FUT8: variants seen among roughly 807,000 people sequenced by gnomAD.
The protein encoded by FUT8 is alpha-(1,6)-fucosyltransferase.
FUT8 carries 29 observed loss-of-function variants against 71.3 expected under a neutral mutation model. The ratio of observed to expected loss-of-function variants is 0.41; its 90% CI spans 0.30 to 0.55. The LOEUF (loss-of-function observed/expected upper bound fraction) is 0.55, where lower values mean the gene tolerates loss of function less well. FUT8 is among the 20% of genes least tolerant of loss of function. The pLI is 0.34. For missense variants in FUT8, 544 were observed against 702.1 expected, an observed-to-expected ratio of 0.77 and a Z score of 2.55; for synonymous variants, 254 against 239.3, an observed-to-expected ratio of 1.06 and a Z score of -0.57.
At chr14:65,439,938 ATGTGTG>A (rs543440132) in intron 1 of FUT8, among the ~76,000 whole-genome samples, 1 of 74,146 alleles carries the variant, frequency 1.3e-5, no homozygotes, top group African/African-American at 4.5e-5. Flanking sequence ...GATAAAGAAA[ATGTGTG>A]TGTGTGTGTG....
At chr14:65,543,915 A>G (rs1884836472) in intron 2 of FUT8, among the ~76,000 whole-genome samples, 1 of 152,234 alleles carries the variant, frequency 6.6e-6, no homozygotes. Context: ...CAGATATGCT[A>G]AGGTAGAATA....
chr14:65,523,523 T>A (rs1014199368), intron 2 of FUT8, among the ~76,000 whole-genome samples: 18 of 152,336 alleles, frequency 1.2e-4, no homozygotes, highest in African/African-American at 4.3e-4. Flanking sequence ...ATTCTGTAGG[T>A]TGCCTGTTCA....
intron 6 of FUT8, among the ~76,000 whole-genome samples, chr14:65,664,255 A>G (rs1029211722): frequency 2.2e-4 from 33 of 152,186 alleles, no homozygotes; most frequent in African/African-American, 7.0e-4. Context: ...CAGTTCGAGA[A>G]TATTATTTAT....
intron 2 of FUT8, among the ~76,000 whole-genome samples, chr14:65,518,498 G>C (rs1882856929): frequency 6.6e-6 from 1 of 152,000 alleles, no homozygotes; most frequent in African/African-American, 2.4e-5. Context: ...TGTAAGAACA[G>C]TGACTGTGGC....
the FUT8 span, among the ~76,000 whole-genome samples, chr14:65,364,978 C>T: frequency 6.6e-6 from 1 of 152,178 alleles, no homozygotes; most frequent in Non-Finnish European, 1.5e-5. Context: ...GTGTACAGTA[C>T]ATCCCAGGTA....
At chr14:65,533,854 G>GA (rs1259801993) in intron 2 of FUT8, among the ~76,000 whole-genome samples, 2 of 152,024 alleles carry the variant, frequency 1.3e-5, no homozygotes, top group Non-Finnish European at 1.5e-5. Flanking sequence ...GACTTTTGCC[G>GA]AAAGTCTTTT....
intron 3 of FUT8, among the ~76,000 whole-genome samples, chr14:65,596,149 T>C (rs1243087196): frequency 6.6e-6 from 1 of 152,234 alleles, no homozygotes; most frequent in Non-Finnish European, 1.5e-5. Flanking sequence ...CTTCAGGCTC[T>C]GTGGGGTTTT....
At chr14:65,560,825 T>C (rs1885877362) in intron 2 of FUT8, among the ~76,000 whole-genome samples, 1 of 152,172 alleles carries the variant, frequency 6.6e-6, no homozygotes, top group Non-Finnish European at 1.5e-5. Context: ...TTAGAATTTA[T>C]CCTAAAAGTG....
chr14:65,723,667 G>A (rs1037522210), intron 8 of FUT8, among the ~76,000 whole-genome samples: 1 of 152,140 alleles, frequency 6.6e-6, no homozygotes, highest in South Asian at 2.1e-4. Context: ...CTACAAGCTG[G>A]CAGTTATGGT....
intron 2 of FUT8, among the ~76,000 whole-genome samples, chr14:65,535,788 T>G (rs1884265512): frequency 6.6e-6 from 1 of 152,158 alleles, no homozygotes; most frequent in Non-Finnish European, 1.5e-5. Flanking sequence ...TAGATGTCCA[T>G]TTGGATCTAT....
At chr14:65,442,238 C>T (rs1157426468) in intron 1 of FUT8, among the ~76,000 whole-genome samples, 2 of 150,778 alleles carry the variant, frequency 1.3e-5, no homozygotes, top group Non-Finnish European at 3.0e-5. Context: ...TGCAGTGGCG[C>T]GATCTCGGCT....
chr14:65,357,563 C>A, the FUT8 span, among the ~76,000 whole-genome samples: 2 of 152,210 alleles, frequency 1.3e-5, no homozygotes, highest in Admixed American at 1.3e-4. Flanking sequence ...CAACACATCT[C>A]CATCATAGGC....
intron 1 of FUT8, chr14:65,430,076 G>A (rs1458343790): frequency 1.3e-5 from 2 of 149,030 alleles, no homozygotes. Context: ...CTGTAGTGCT[G>A]TAGTGCTTTC....
intron 5 of FUT8, among the ~76,000 whole-genome samples, chr14:65,628,871 T>A (rs980189128): frequency 1.3e-5 from 2 of 152,222 alleles, no homozygotes; most frequent in Admixed American, 6.5e-5. Flanking sequence ...AAATAAAGTT[T>A]TATTCAAACA....
chr14:65,617,462 T>C (rs1889345843), intron 5 of FUT8, among the ~76,000 whole-genome samples: 1 of 152,224 alleles, frequency 6.6e-6, no homozygotes, highest in Non-Finnish European at 1.5e-5. Flanking sequence ...CTGTCATTAA[T>C]ATTTCTCTAC....
intron 2 of FUT8, chr14:65,470,952 A>C (rs1050319854): frequency 2.7e-5 from 10 of 373,542 alleles, no homozygotes; most frequent in African/African-American, 1.8e-4. Context: ...CGCCATCACT[A>C]TTAGAGGCTA....
intron 2 of FUT8, chr14:65,458,247 C>CTG (rs1212252391): frequency 6.6e-6 from 1 of 151,398 alleles, no homozygotes; most frequent in African/African-American, 2.4e-5. Flanking sequence ...ATGAGAGGGT[C>CTG]TCTCTTCCCT....
chr14:65,439,954 G>GTGTGTATACATATATA, intron 1 of FUT8, among the ~76,000 whole-genome samples: 1 of 74,984 alleles, frequency 1.3e-5, no homozygotes, highest in Non-Finnish European at 2.5e-5. Context: ...GTGTGTGTGT[G>GTGTGTATACATATATA]TATATATATA....
rs771517936 is a variant in FUT8 at position 65,627,459 on chromosome 14, G to T, written c.483-2033G>T. 1.3e-5 allele frequency among the ~76,000 whole-genome samples: 2 copies of T among 152,208 alleles called. No individual in the cohort carries two copies. Among genetic ancestry groups the T allele is most frequent in the Non-Finnish European group, 2.9e-5 (2 of 68,034 alleles). ...TACACTTGTAAGAGGCCAAGCGGGC[G>T]ACTTGAGAGGGTCAAGTGTGCTGTC... On this transcript the variant is annotated intron_variant, in intron 5 of 10. Transcript: ENST00000673929. This position sits in a 1 kb window ranked among gnomAD's most constrained non-coding sequence, Gnocchi z 4.0.
Sources: allele counts gnomAD v4.1 joint callset (sites outside exome capture counted in the v4.1 genomes callset), GRCh38; gene constraint gnomAD v4.1.1; non-coding constraint Gnocchi (gnomAD v3.1); transcripts MANE v1.5; gene names NCBI Gene and HGNC (gene_info 2026-07-23, HGNC 2026-07-21).